MTMR10: variants seen among roughly 807,000 people sequenced by gnomAD.
MTMR10 encodes the protein myotubularin related protein 10.
MTMR10 carries 56 observed loss-of-function variants against 88.1 expected under a neutral mutation model. The observed-to-expected ratio is 0.64, with a 90% CI of 0.51 to 0.79. The LOEUF is 0.79. Among genes scored for constraint, MTMR10 ranks in the 30% least tolerant of loss-of-function variants. The pLI, the probability that MTMR10 is intolerant of heterozygous loss-of-function variation, is 0.00. For missense variants in MTMR10, 883 were observed against 924.7 expected (o/e 0.95, Z 0.58); for synonymous variants, 380 against 340.9 (o/e 1.11, Z -1.26).
chr15:30,942,160 GA>G, intron 15 of MTMR10, 88 bp from the exon 16 acceptor site: 2 of 1,416,748 alleles, frequency 1.4e-6, no homozygotes, highest in Non-Finnish European at 1.9e-6. Flanking sequence ...TCAATACTAT[GA>G]AAAATTAATG....
the MTMR10 span, chr15:30,927,182 C>A: frequency 1.0e-6 from 1 of 965,350 alleles, no homozygotes; most frequent in Non-Finnish European, 1.2e-6. Flanking sequence ...GCACTCCAGT[C>A]TGGGTGACAG....
chr15:30,935,337 A>G (rs910826356), downstream of MTMR10, among the ~76,000 whole-genome samples: 10 of 152,030 alleles, frequency 6.6e-5, no homozygotes, highest in African/African-American at 2.4e-4. Flanking sequence ...AAAAGAAAAA[A>G]TTTCCATGTC....
At chr15:30,979,414 A>AGCCAGGCGTGGTGGTGC (rs1251854795) in intron 2 of MTMR10, among the ~76,000 whole-genome samples, 3 of 151,370 alleles carry the variant, frequency 2.0e-5, no homozygotes, top group South Asian at 4.2e-4. Context: ...AAAAAAATTT[A>AGCCAGGCGTGGTGGTGC]GCCAGGCGTG....
chr15:30,955,698 C>A (rs1326914738), intron 9 of MTMR10, among the ~76,000 whole-genome samples: 1 of 152,210 alleles, frequency 6.6e-6, no homozygotes, highest in Non-Finnish European at 1.5e-5. Flanking sequence ...TACACTCCCA[C>A]ATCTTTCCAC....
At chr15:30,959,649 C>T (rs2063374875) in intron 7 of MTMR10, among the ~76,000 whole-genome samples, 1 of 152,198 alleles carries the variant, frequency 6.6e-6, no homozygotes. Context: ...TGGGCAGCCC[C>T]ATCACATGTT....
rs1415165071 is a variant in MTMR10, at chr15:30,941,320, T to C, written c.*150A>G. The stretch of plus-strand genomic sequence containing the variant: ...TCTTAAAATAAGTGTGAAAGAAGCA[T>C]GATTCAACATGTTTTTAAATATTAG... On this transcript the variant is annotated 3_prime_UTR_variant, in exon 16 of 16. Transcript: ENST00000435680. The C allele has an allele frequency of 9.2e-6, 14 of 1,528,852 alleles. 1 individual carries two copies. The highest frequency in any genetic ancestry group is 2.4e-5 in the South Asian group (2 of 82,720). The allele number at this position is 1,528,852 out of a possible 1,614,324, so 94.7% of individuals were successfully genotyped here.
the MTMR10 span, chr15:30,929,172 A>G: frequency 5.5e-5 from 88 of 1,602,932 alleles, no homozygotes; most frequent in African/African-American, 1.3e-4. Flanking sequence ...CTGCAGGCAC[A>G]GTATGACAGC....
chr15:30,976,279 G>A (rs909644096), intron 3 of MTMR10, among the ~76,000 whole-genome samples: 7 of 151,986 alleles, frequency 4.6e-5, no homozygotes, highest in Non-Finnish European at 1.0e-4. Flanking sequence ...GCATGCACCT[G>A]TAGTCCCAGC....
intron 5 of MTMR10, among the ~76,000 whole-genome samples, chr15:30,971,393 C>G (rs934278707): frequency 6.6e-6 from 1 of 152,104 alleles, no homozygotes; most frequent in African/African-American, 2.4e-5. Flanking sequence ...ACTGAAGAAA[C>G]TCAAATCCAG....
At chr15:30,961,493 G>T (rs2063401967) in intron 6 of MTMR10, among the ~76,000 whole-genome samples, 1 of 152,052 alleles carries the variant, frequency 6.6e-6, no homozygotes, top group African/African-American at 2.4e-5. Context: ...CACCTGCCTT[G>T]GCCTCCCAAA....
chr15:30,986,594 C>T (rs1398921089), intron 2 of MTMR10, among the ~76,000 whole-genome samples: 1 of 152,082 alleles, frequency 6.6e-6, no homozygotes, highest in African/African-American at 2.4e-5. Flanking sequence ...GTTAGAAGAA[C>T]ATAATCTCAG....
intron 2 of MTMR10, among the ~76,000 whole-genome samples, chr15:30,990,088 T>C (rs1364854965): frequency 1.3e-5 from 2 of 152,132 alleles, no homozygotes; most frequent in Non-Finnish European, 2.9e-5. Flanking sequence ...AATTTTGTTC[T>C]AAAGCAGTGA....
At chr15:30,968,869 A>T (rs1251880083) in intron 5 of MTMR10, among the ~76,000 whole-genome samples, 1 of 152,206 alleles carries the variant, frequency 6.6e-6, no homozygotes, top group Non-Finnish European at 1.5e-5. Flanking sequence ...GATAGAATGA[A>T]GGATGGTGCT....
intron 3 of MTMR10, among the ~76,000 whole-genome samples, chr15:30,975,865 G>C (rs1212765038): frequency 6.6e-6 from 1 of 151,964 alleles, no homozygotes; most frequent in Admixed American, 6.6e-5. Context: ...AAAGATCTAG[G>C]GGTAAGTGTG....
At chr15:30,956,008 T>C (rs1478078838) in intron 9 of MTMR10, among the ~76,000 whole-genome samples, 1 of 150,938 alleles carries the variant, frequency 6.6e-6, no homozygotes, top group Non-Finnish European at 1.5e-5. Flanking sequence ...GTTGTTTTTT[T>C]TTTTCCTGAA....
chr15:30,947,040 T>G (rs2140998203), intron 14 of MTMR10, 90 bp downstream of exon 14: 2 of 1,430,146 alleles, frequency 1.4e-6, no homozygotes, highest in South Asian at 1.5e-5. Context: ...AATCATAAGA[T>G]TTTAAATAGG....
At chr15:30,944,666 G>A (rs935190627) in intron 14 of MTMR10, among the ~76,000 whole-genome samples, 1 of 151,738 alleles carries the variant, frequency 6.6e-6, no homozygotes, top group Non-Finnish European at 1.5e-5. Flanking sequence ...CTGAAATCTA[G>A]TAAAACATGA....
At chr15:30,944,353 G>A (rs965678429) in intron 14 of MTMR10, among the ~76,000 whole-genome samples, 6 of 152,132 alleles carry the variant, frequency 3.9e-5, no homozygotes, top group African/African-American at 7.2e-5. Context: ...GGATCACGAG[G>A]TCAGGAGTTC....
intron 2 of MTMR10, among the ~76,000 whole-genome samples, chr15:30,989,599 T>C (rs2031172145): frequency 6.6e-6 from 1 of 151,928 alleles, no homozygotes; most frequent in African/African-American, 2.4e-5. Flanking sequence ...TTTTTTTTTT[T>C]TGAGACGGTG....
Sources: gnomAD v4.1 joint callset for allele counts (sites outside exome capture counted in the v4.1 genomes callset) on GRCh38, gnomAD v4.1.1 for gene constraint, MANE v1.5 for transcripts, NCBI Gene and HGNC (gene_info 2026-07-23, HGNC 2026-07-21) for gene names.